PRKG1: variants seen among roughly 807,000 people sequenced by gnomAD.
PRKG1 encodes the protein cGMP-dependent protein kinase 1.
A neutral mutation model predicts 88.1 loss-of-function variants in PRKG1; 35 were observed. The ratio of observed to expected loss-of-function variants is 0.40; its 90% CI spans 0.30 to 0.53. PRKG1 has a LOEUF of 0.53. PRKG1 is among the 20% of genes least tolerant of loss of function. The probability of loss-of-function intolerance (pLI) is 0.59; values close to 1 mark genes in which losing one functional copy is unlikely to be tolerated. For synonymous variants in PRKG1, 303 were observed against 292.5 expected (o/e 1.04, Z -0.37); for missense variants, 540 against 839.8 (o/e 0.64, Z 4.41).
intron 9 of PRKG1, among the ~76,000 whole-genome samples, chr10:52,185,548 C>G (rs931820960): frequency 2.6e-5 from 4 of 152,170 alleles, no homozygotes; most frequent in African/African-American, 9.7e-5. Flanking sequence ...AGTCCCCTTC[C>G]TATAGCTCCA....
chr10:51,199,906 A>G (rs1837868902), intron 2 of PRKG1, among the ~76,000 whole-genome samples: 1 of 152,174 alleles, frequency 6.6e-6, no homozygotes, highest in Admixed American at 6.5e-5. Context: ...GTCCTTTCCT[A>G]AATGAACACT....
chr10:52,123,577 G>C (rs752506446), intron 7 of PRKG1, among the ~76,000 whole-genome samples: 1 of 151,924 alleles, frequency 6.6e-6, no homozygotes, highest in African/African-American at 2.4e-5. Context: ...TTACATTGTA[G>C]GATTTTTAAG....
intron 2 of PRKG1, among the ~76,000 whole-genome samples, chr10:51,308,955 G>C (rs1005475059): frequency 6.6e-6 from 1 of 152,230 alleles, no homozygotes; most frequent in Non-Finnish European, 1.5e-5. Context: ...TGGGAGTGTA[G>C]AGAAAGCTGG....
intron 3 of PRKG1, among the ~76,000 whole-genome samples, chr10:51,667,823 T>C (rs1308950021): frequency 6.6e-6 from 1 of 152,212 alleles, no homozygotes; most frequent in East Asian, 1.9e-4. Flanking sequence ...CTCTGACTAT[T>C]TTGAGCTCTA....
chr10:51,929,449 C>T (rs1437684120), intron 5 of PRKG1, among the ~76,000 whole-genome samples: 1 of 148,032 alleles, frequency 6.8e-6, no homozygotes, highest in East Asian at 2.0e-4. Context: ...CTCCCGGATT[C>T]AAGCGATTCT....
At chr10:51,189,198 C>T (rs1271129169) in intron 2 of PRKG1, among the ~76,000 whole-genome samples, 1 of 151,876 alleles carries the variant, frequency 6.6e-6, no homozygotes, top group Non-Finnish European at 1.5e-5. Flanking sequence ...TTTCCAGGCC[C>T]GTATATTCTT....
intron 1 of PRKG1, among the ~76,000 whole-genome samples, chr10:51,080,142 G>A (rs960308281): frequency 2.0e-5 from 3 of 152,060 alleles, no homozygotes; most frequent in Non-Finnish European, 4.4e-5. Context: ...ATGAAGTCCC[G>A]GGAGCATTTA....
At chr10:51,355,150 T>G (rs1252315107) in intron 2 of PRKG1, among the ~76,000 whole-genome samples, 3 of 152,226 alleles carry the variant, frequency 2.0e-5, no homozygotes, top group Admixed American at 2.0e-4. Context: ...ATGCTTAACA[T>G]GGTACTTGGT....
chr10:51,020,350 A>G (rs759406032), intron 1 of PRKG1, among the ~76,000 whole-genome samples: 240 of 152,200 alleles, frequency 1.6e-3, no homozygotes, highest in Middle Eastern at 6.8e-3. Context: ...AGAATTGAAA[A>G]CAGAGTCTCT....
chr10:51,285,021 A>C, intron 2 of PRKG1, among the ~76,000 whole-genome samples: 3 of 135,156 alleles, frequency 2.2e-5, no homozygotes, highest in Non-Finnish European at 3.2e-5. Flanking sequence ...CATTAGGTAT[A>C]TCTCCCAATG....
chr10:51,488,754 C>A (rs1012769457), intron 3 of PRKG1, among the ~76,000 whole-genome samples: 13 of 152,120 alleles, frequency 8.5e-5, no homozygotes, highest in Admixed American at 3.9e-4. Flanking sequence ...ACTGGGAGCC[C>A]CGCAGAGGGC....
intron 1 of PRKG1, among the ~76,000 whole-genome samples, chr10:51,115,386 A>ATATATATATATATATGTAT (rs1465710988): frequency 1.4e-5 from 1 of 70,384 alleles, no homozygotes; most frequent in African/African-American, 5.1e-5. Flanking sequence ...TATATATATA[A>ATATATATATATATATGTAT]AACAAATGTG....
rs368711032 is a variant in PRKG1 at position 51,722,104 on chromosome 10, C to T, written c.593-82481C>T. ...AATTAGCTGGGCATGGTGGTAGGCACCTGTAATCCCAGCTACTCGGGAGGC... is the reference window on the plus strand; with the variant it reads ...AATTAGCTGGGCATGGTGGTAGGCATCTGTAATCCCAGCTACTCGGGAGGC... On this transcript the variant is annotated intron_variant, in intron 3 of 17. Coordinates refer to ENST00000373980, the MANE Select transcript of PRKG1 (RefSeq NM_006258.4). Among the ~76,000 whole-genome samples the T allele has an allele frequency of 1.1e-4, 17 of 152,172 alleles. 1 individual carries two copies. The East Asian group carries it at 2.1e-3, about 19-fold the overall frequency.
intron 9 of PRKG1, among the ~76,000 whole-genome samples, chr10:52,247,281 G>A (rs1841049673): frequency 1.3e-5 from 2 of 152,236 alleles, no homozygotes; most frequent in South Asian, 4.2e-4. Flanking sequence ...ACCAGAAACT[G>A]CATTTCTTAC....
chr10:51,970,333 G>A (rs1479897392), intron 5 of PRKG1, among the ~76,000 whole-genome samples: 9 of 151,644 alleles, frequency 5.9e-5, no homozygotes, highest in Admixed American at 3.3e-4. Context: ...ATAGGATCAA[G>A]TATTACATTT....
chr10:51,480,205 G>A (rs1840314553), intron 3 of PRKG1, among the ~76,000 whole-genome samples: 1 of 152,060 alleles, frequency 6.6e-6, no homozygotes, highest in African/African-American at 2.4e-5. Context: ...TGAGAAAAAT[G>A]TGTTAGTCCA....
rs1057083834 is a variant in PRKG1 at position 52,100,640 on chromosome 10, T to C, written c.936-33200T>C. The stretch of plus-strand genomic sequence containing the variant: ...TTATCCCTCTGAGAAGAAATAGAAA[T>C]ATCTGTTGCCAAGAGACTACTCACT... On this transcript the variant is annotated intron_variant, in intron 7 of 17. Coordinates refer to ENST00000373980, the MANE Select transcript of PRKG1 (RefSeq NM_006258.4). 6.6e-5 allele frequency among the ~76,000 whole-genome samples: 10 copies of C among 152,308 alleles called. No homozygotes were observed. In the East Asian group the frequency reaches 1.9e-3, roughly 29 times the overall value.
chr10:51,996,168 C>T (rs934497948), intron 5 of PRKG1, among the ~76,000 whole-genome samples: 1 of 151,606 alleles, frequency 6.6e-6, no homozygotes, highest in African/African-American at 2.4e-5. Flanking sequence ...AAAAAATTAG[C>T]CGGGCACGTG....
At chr10:51,334,830 A>G (rs918178635) in intron 2 of PRKG1, among the ~76,000 whole-genome samples, 1 of 152,076 alleles carries the variant, frequency 6.6e-6, no homozygotes, top group Non-Finnish European at 1.5e-5. Flanking sequence ...ATTAGAGGAG[A>G]GCAGAGGCAG....
Sources: allele counts gnomAD v4.1 joint callset (sites outside exome capture counted in the v4.1 genomes callset), GRCh38; gene constraint gnomAD v4.1.1; transcripts MANE v1.5; gene names NCBI Gene and HGNC (gene_info 2026-07-23, HGNC 2026-07-21).